FBF1: variants seen among roughly 807,000 people sequenced by gnomAD.
FBF1 encodes the protein Fas binding factor 1.
In FBF1, 119 loss-of-function variants were observed where a neutral mutation model predicts 147.2. The observed-to-expected ratio is 0.81, with a 90% CI of 0.70 to 0.94. The LOEUF is 0.94. Ranked by LOEUF, FBF1 falls within the 40% of genes least tolerant of loss-of-function variation. The pLI, the probability that FBF1 is intolerant of heterozygous loss-of-function variation, is 0.00. For synonymous variants in FBF1, 601 were observed against 609.0 expected (o/e 0.99, Z 0.19); for missense variants, 1,449 against 1,500.8 (o/e 0.97, Z 0.57).
chr17:75,913,871 G>A, intron 27 of FBF1, 42 bp downstream of exon 27: 1 of 1,559,362 alleles, frequency 6.4e-7, no homozygotes, highest in Non-Finnish European at 8.6e-7. Flanking sequence ...GGGAGGCTGG[G>A]GGTGCCGGGG....
At chr17:75,924,207 C>G (rs1238675623) in intron 13 of FBF1, among the ~76,000 whole-genome samples, 1 of 144,446 alleles carries the variant, frequency 6.9e-6, no homozygotes, top group Non-Finnish European at 1.5e-5. Context: ...GAGTGAGACT[C>G]TGTCTAAAAA....
chr17:75,930,714 G>C (rs1453631825), intron 6 of FBF1, among the ~76,000 whole-genome samples: 1 of 152,196 alleles, frequency 6.6e-6, no homozygotes, highest in Non-Finnish European at 1.5e-5. Context: ...AAGAGGTTAG[G>C]AGTTTGAGAC....
At chr17:75,938,555 CAAA>C (rs34602242) in intron 1 of FBF1, among the ~76,000 whole-genome samples, 66 of 58,880 alleles carry the variant, frequency 1.1e-3, no homozygotes, top group African/African-American at 3.7e-3. Context: ...GACTCCATCT[CAAA>C]AAAAAAAAAA....
intron 5 of FBF1, 27 bp from the exon 6 acceptor site, chr17:75,931,316 C>T (rs755638744): frequency 5.7e-6 from 9 of 1,568,114 alleles, no homozygotes; most frequent in South Asian, 3.5e-5. Flanking sequence ...TCAGCCCCTA[C>T]CTGCATCCCA....
chr17:75,918,364 G>T lies in FBF1; in HGVS notation c.2139-95C>A. 3 of 1,040,382 alleles carry T rather than the reference G, an allele frequency of 2.9e-6. No homozygotes were observed. Among genetic ancestry groups the T allele is most frequent in the Non-Finnish European group, 4.2e-6 (3 of 713,784 alleles). 64.4% of individuals were successfully genotyped at this position (1,040,382 alleles called of 1,614,324 possible). The stretch of plus-strand genomic sequence containing the variant: ...AAGGGTGTGTTTCCGTGCAGCCCTT[G>T]CTCCCAGGCCTCTCCTCCGCCGGGC... On this transcript the variant is annotated intron_variant, in intron 20 of 29. Transcript: ENST00000636174. This position sits in a 1 kb window ranked among gnomAD's most constrained non-coding sequence, Gnocchi z 5.8.
chr17:75,921,867 C>T (rs1025847520), intron 15 of FBF1, 78 bp downstream of exon 15: 2 of 1,298,340 alleles, frequency 1.5e-6, no homozygotes, highest in East Asian at 2.5e-5. Context: ...TGAACAGCCT[C>T]TGTGTCCCTC....
At chr17:75,935,523 G>T in intron 4 of FBF1, 109 bp downstream of exon 4, 17 of 1,160,152 alleles carry the variant, frequency 1.5e-5, no homozygotes, top group Non-Finnish European at 2.0e-5. Context: ...TTTAGGAGGC[G>T]GGAGGATCAT....
At chr17:75,929,946 C>CCT in intron 7 of FBF1, 51 bp downstream of exon 7, 3 of 409,726 alleles carry the variant, frequency 7.3e-6, no homozygotes, top group Non-Finnish European at 9.7e-6. Flanking sequence ...AATATCATGA[C>CCT]CCCACCCCAC....
In FBF1 at chr17:75,910,539, G is replaced by T; in HGVS notation, c.*184C>A. The stretch of plus-strand genomic sequence containing the variant: ...TAGCCTACACCACAGAGCCCCAGAG[G>T]CAGGGGCTGCCCCGGGCTGGCACAT... On this transcript the variant is annotated 3_prime_UTR_variant, in exon 30 of 30. Transcript: ENST00000636174. The surrounding 1 kb of genome is among the most constrained non-coding windows in gnomAD (Gnocchi z 4.1). The T allele has an allele frequency of 1.7e-6, 1 of 593,878 alleles. No homozygotes were observed. Among genetic ancestry groups the T allele is most frequent in the Non-Finnish European group, 3.0e-6 (1 of 335,284 alleles). The allele number at this position is 593,878 out of a possible 1,614,324, so 36.8% of individuals were successfully genotyped here. A position where few individuals can be genotyped will look rare whatever the true frequency, so the allele number is the denominator to read the frequency against.
Position 75,922,139 on chromosome 17 carries a change from T to C in FBF1, c.1425-93A>G. The C allele has an allele frequency of 7.7e-6, 8 of 1,045,662 alleles. No homozygotes were observed. The highest frequency in any genetic ancestry group is 2.9e-5 in the South Asian group (2 of 68,508). The allele number at this position is 1,045,662 out of a possible 1,614,324, so 64.8% of individuals were successfully genotyped here. A position where few individuals can be genotyped will look rare whatever the true frequency, so the allele number is the denominator to read the frequency against. On this transcript the variant is annotated intron_variant, in intron 14 of 29. Transcript: ENST00000636174. The surrounding 1 kb of genome is among the most constrained non-coding windows in gnomAD (Gnocchi z 5.0). ...CCAGGACGGGCTTCACACGTGAAGC[T>C]CGTGGCCCCCCTTCCTCCTGCTTCC...
In FBF1 at chr17:75,923,389, C is replaced by T. The variant is rs1389548635; in HGVS notation, c.1221G>A (p.Arg407=). 1 of 1,607,020 alleles carries T rather than the reference C, an allele frequency of 6.2e-7. No homozygotes were observed. The highest frequency in any genetic ancestry group is 1.7e-5 in the Admixed American group (1 of 59,020). ...HSTPAGLPPS[R]AKPPTEGAGS... ...CTGCACCTTCAGTTGGTGGCTTTGC[C>T]CTGGAGGGGGGCAGCCCAGCTGGCG... The change falls in exon 14 of 30, where the codon AGG becomes AGA. Residue 407 remains arginine, a synonymous_variant. Transcript: ENST00000636174. The surrounding 1 kb of genome is among the most constrained non-coding windows in gnomAD (Gnocchi z 4.1).
At position 75,913,183 on chromosome 17, in the gene FBF1, C is replaced by T. The variant is rs1373701997; in HGVS notation, c.3247+519G>A. On this transcript the variant is annotated intron_variant, in intron 28 of 29. Transcript: ENST00000636174. ...TTTTTTTTTTAAACGGAGTCTTGCT[C>T]TGTCCCCTAGGCTGGAGTGCAGTGG... Among the ~76,000 whole-genome samples, 4 of 128,662 alleles carry T rather than the reference C, an allele frequency of 3.1e-5. 1 individual carries two copies. Among genetic ancestry groups the T allele is most frequent in the Admixed American group, 8.4e-5 (1 of 11,894 alleles). 84.4% of individuals were successfully genotyped at this position (128,662 alleles called of 152,430 possible). A position where few individuals can be genotyped will look rare whatever the true frequency, so the allele number is the denominator to read the frequency against.
rs535688304 is a variant in FBF1 at position 75,919,653 on chromosome 17, G to A, written c.2138+15C>T. 6.3e-7 allele frequency: 1 copy of A among 1,583,362 alleles called. No individual in the cohort carries two copies. The highest frequency in any genetic ancestry group is 2.3e-5 in the East Asian group (1 of 43,350). ...TTGCAAGCCTGCTCCCCAGCTGCCT[G>A]TCCCTGGGCCTCACCGCTGCAGCTC... On this transcript the variant is annotated intron_variant, in intron 20 of 29. Transcript: ENST00000636174. This position sits in a 1 kb window ranked among gnomAD's most constrained non-coding sequence, Gnocchi z 5.0.
rs1248935750 is a variant in FBF1, at chr17:75,909,787, G to A, written c.*936C>T. 3.1e-6 allele frequency: 2 copies of A among 639,784 alleles called. No homozygotes were observed. Among genetic ancestry groups the A allele is most frequent in the African/African-American group, 3.6e-5 (2 of 55,512 alleles). 39.6% of individuals were successfully genotyped at this position (639,784 alleles called of 1,614,324 possible). A position where few individuals can be genotyped will look rare whatever the true frequency, so the allele number is the denominator to read the frequency against. On this transcript the variant is annotated 3_prime_UTR_variant, in exon 30 of 30. Transcript: ENST00000636174. Reference sequence around the variant, plus strand: ...ATAAGAACATCTGCCTGTTCTTTGGGACTTGTCCAGCAAATAACAGGAAAC... The same window carrying A: ...ATAAGAACATCTGCCTGTTCTTTGGAACTTGTCCAGCAAATAACAGGAAAC...
chr17:75,932,331 C>T (rs2065599381), intron 5 of FBF1, among the ~76,000 whole-genome samples: 1 of 152,008 alleles, frequency 6.6e-6, no homozygotes, highest in Admixed American at 6.6e-5. Flanking sequence ...GAGCCGATCG[C>T]ACCACTGCAC....
chr17:75,931,266 A>T lies in FBF1; in HGVS notation c.191T>A (p.Phe64Tyr). Residue 64 changes from phenylalanine to tyrosine, a missense_variant, in exon 6 of 30, where the codon TTC becomes TAC. Physicochemically the swap from Phe to Tyr is conservative, Grantham distance 22. Coordinates refer to ENST00000636174, the MANE Select transcript of FBF1 (RefSeq NM_001319193.2). ...TTCTTCCAGGCCTGCCATGGTGCTGAAGACATCATCACCCAGGAGGGACCT... is the reference window on the plus strand; with the variant it reads ...TTCTTCCAGGCCTGCCATGGTGCTGTAGACATCATCACCCAGGAGGGACCT... Reference protein sequence around the residue: ...RTKSLLGDDVFSTMAGLEEAD... With the variant: ...RTKSLLGDDVYSTMAGLEEAD... 6.3e-7 allele frequency: 1 copy of T among 1,584,594 alleles called. No individual in the cohort carries two copies. Among genetic ancestry groups the T allele is most frequent in the Non-Finnish European group, 8.6e-7 (1 of 1,165,546 alleles).
chr17:75,915,767 G>C (rs1046543658), intron 23 of FBF1, among the ~76,000 whole-genome samples: 3 of 152,072 alleles, frequency 2.0e-5, no homozygotes, highest in Non-Finnish European at 2.9e-5. Context: ...CCAGCACTTT[G>C]GGAGGCTGAG....
chr17:75,931,168 A>G, intron 6 of FBF1, 61 bp downstream of exon 6: 1 of 1,533,580 alleles, frequency 6.5e-7, no homozygotes, highest in South Asian at 1.2e-5. Flanking sequence ...CCTTGGCCAC[A>G]ACACCCATCT....
rs185589061 is a variant in FBF1, at chr17:75,913,404, G to T, written c.3247+298C>A. The T allele has an allele frequency of 5.8e-4, 154 of 263,882 alleles. No homozygotes were observed. In the Admixed American group the frequency reaches 7.2e-3, roughly 12 times the overall value. The allele number at this position is 263,882 out of a possible 1,614,324, so 16.3% of individuals were successfully genotyped here. ...CTCAGATGATCCGCCTGCCTCGGCT[G>T]CCGAAAGTGCTGAGATTATAGGCGT... On this transcript the variant is annotated intron_variant, in intron 28 of 29. Coordinates refer to ENST00000636174, the MANE Select transcript of FBF1 (RefSeq NM_001319193.2).
Sources: gnomAD v4.1 joint callset for allele counts (sites outside exome capture counted in the v4.1 genomes callset) on GRCh38, gnomAD v4.1.1 for gene constraint, Gnocchi (gnomAD v3.1) non-coding constraint, MANE v1.5 for transcripts, NCBI Gene and HGNC (gene_info 2026-07-23, HGNC 2026-07-21) for gene names.